SNTG1: variants seen among roughly 807,000 people sequenced by gnomAD.
SNTG1 encodes the protein syntrophin gamma 1, also known as gamma-1-syntrophin.
SNTG1 carries 39 observed loss-of-function variants against 74.7 expected under a neutral mutation model. That is an observed-to-expected ratio of 0.52 (90% CI 0.40 to 0.68). The LOEUF is 0.68. SNTG1 is among the 30% of genes least tolerant of loss of function. The pLI, the probability that SNTG1 is intolerant of heterozygous loss-of-function variation, is 0.00. For synonymous variants in SNTG1, 254 were observed against 217.1 expected, an observed-to-expected ratio of 1.17 and a Z score of -1.49; for missense variants, 685 against 609.5, an observed-to-expected ratio of 1.12 and a Z score of -1.30.
Position 50,675,479 on chromosome 8 carries a change from C to A in SNTG1, c.1038+16816C>A, listed in dbSNP as rs186615661. Among the ~76,000 whole-genome samples the A allele has an allele frequency of 8.6e-5, 13 of 151,970 alleles. 1 individual carries two copies. The East Asian group carries it at 2.5e-3, about 29-fold the overall frequency. On this transcript the variant is annotated intron_variant, in intron 15 of 18. Coordinates refer to ENST00000642720, the MANE Select transcript of SNTG1 (RefSeq NM_018967.5). ...TCTGTTTTTTCAGAGACTAGGATTGCAACCCCTACTTTTTTTTTTCCATCT... is the reference window on the plus strand; with the variant it reads ...TCTGTTTTTTCAGAGACTAGGATTGAAACCCCTACTTTTTTTTTTCCATCT...
At position 50,536,612 on chromosome 8, in the gene SNTG1, G is replaced by T. The variant is rs1031998630; in HGVS notation, c.550-66G>T. On this transcript the variant is annotated intron_variant, in intron 10 of 18. Coordinates refer to ENST00000642720, the MANE Select transcript of SNTG1 (RefSeq NM_018967.5). ...AAATAATATCCCCCAGATAAAAGGG[G>T]TTTGAGATACAGAAACTCAAAGCAC... 24 of 1,562,512 alleles carry T rather than the reference G, an allele frequency of 1.5e-5. No homozygotes were observed. In the African/African-American group the frequency reaches 2.7e-4, roughly 18 times the overall value.
intron 1 of SNTG1, among the ~76,000 whole-genome samples, chr8:50,090,958 A>G (rs1156798906): frequency 6.6e-6 from 1 of 152,170 alleles, no homozygotes; most frequent in East Asian, 1.9e-4. Context: ...GGACTAGTTT[A>G]CTACTTTTAA....
intron 1 of SNTG1, among the ~76,000 whole-genome samples, chr8:49,963,488 C>A (rs1379806501): frequency 2.0e-5 from 3 of 152,044 alleles, no homozygotes; most frequent in African/African-American, 7.2e-5. Flanking sequence ...ATTACTATTC[C>A]AATGCAATAG....
intron 1 of SNTG1, among the ~76,000 whole-genome samples, chr8:50,025,806 T>A (rs60321625): frequency 6.6e-6 from 1 of 152,188 alleles, no homozygotes; most frequent in Non-Finnish European, 1.5e-5. Flanking sequence ...AATTGATACA[T>A]TGTAACTCTT....
rs1211368899 is a variant in SNTG1 at position 50,590,745 on chromosome 8, T to A, written c.811-134T>A. 1.1e-5 allele frequency: 6 copies of A among 525,180 alleles called. No individual in the cohort carries two copies. In the African/African-American group the frequency reaches 1.2e-4, roughly 11 times the overall value. The allele number at this position is 525,180 out of a possible 1,614,324, so 32.5% of individuals were successfully genotyped here. A position where few individuals can be genotyped will look rare whatever the true frequency, so the allele number is the denominator to read the frequency against. On this transcript the variant is annotated intron_variant, in intron 12 of 18. Transcript: ENST00000642720. Reference sequence around the variant, plus strand: ...ATCTGTTTATATATGTTGTTTTATATGTGATGATTTCAGCATATCAAAATA... The same window carrying A: ...ATCTGTTTATATATGTTGTTTTATAAGTGATGATTTCAGCATATCAAAATA...
At chr8:50,246,529 G>C (rs1465236452) in intron 2 of SNTG1, among the ~76,000 whole-genome samples, 2 of 147,130 alleles carry the variant, frequency 1.4e-5, no homozygotes, top group African/African-American at 5.0e-5. Flanking sequence ...TGCTTAATTA[G>C]AAAAGAAAGA....
intron 1 of SNTG1, among the ~76,000 whole-genome samples, chr8:50,100,211 A>G (rs10107442): frequency 0.022 from 3,314 of 152,180 alleles, 128 homozygotes; most frequent in African/African-American, 0.074. Flanking sequence ...AGCTAAAAAA[A>G]GTTGATTTCA....
chr8:50,245,668 G>A (rs2086366445), intron 2 of SNTG1, among the ~76,000 whole-genome samples: 1 of 152,096 alleles, frequency 6.6e-6, no homozygotes, highest in Non-Finnish European at 1.5e-5. Context: ...AAGTGGCAGA[G>A]TAAGAGTCCA....
chr8:50,039,036 C>G (rs973321592), intron 1 of SNTG1, among the ~76,000 whole-genome samples: 1 of 152,172 alleles, frequency 6.6e-6, no homozygotes, highest in African/African-American at 2.4e-5. Context: ...CATAGCTTCC[C>G]ATTATCCCTG....
At chr8:50,255,973 A>T (rs545797130) in intron 2 of SNTG1, among the ~76,000 whole-genome samples, 36 of 152,176 alleles carry the variant, frequency 2.4e-4, no homozygotes, top group Non-Finnish European at 4.7e-4. Context: ...AGGTGTCTGT[A>T]AACAGTGTTA....
At chr8:50,519,833 G>T (rs183965181) in intron 9 of SNTG1, among the ~76,000 whole-genome samples, 5 of 152,214 alleles carry the variant, frequency 3.3e-5, no homozygotes, top group African/African-American at 1.2e-4. Flanking sequence ...AACATTCCAT[G>T]TTCATAGACA....
At chr8:50,478,436 T>C (rs1197302376) in intron 8 of SNTG1, among the ~76,000 whole-genome samples, 1 of 152,190 alleles carries the variant, frequency 6.6e-6, no homozygotes, top group Non-Finnish European at 1.5e-5. Flanking sequence ...TTTGATAAGC[T>C]AAAAGTTCCT....
At position 50,412,892 on chromosome 8, in the gene SNTG1, T is replaced by C. The variant is rs561263226; in HGVS notation, c.162+10548T>C. On this transcript the variant is annotated intron_variant, in intron 4 of 18. Coordinates refer to ENST00000642720, the MANE Select transcript of SNTG1 (RefSeq NM_018967.5). The stretch of plus-strand genomic sequence containing the variant: ...GGGTGCAAAGTGTATTGGTGGGTTG[T>C]GGTGCCATCAATAAAGGGAGCAATT... Among the ~76,000 whole-genome samples the C allele has an allele frequency of 2.5e-3, 386 of 152,284 alleles. 2 individuals carry two copies. Among genetic ancestry groups the C allele is most frequent in the African/African-American group, 8.9e-3 (369 of 41,542 alleles).
intron 3 of SNTG1, among the ~76,000 whole-genome samples, chr8:50,399,306 C>T (rs1035697914): frequency 6.6e-6 from 1 of 152,102 alleles, no homozygotes; most frequent in Non-Finnish European, 1.5e-5. Context: ...AACCCAAAAG[C>T]GAGCTCAAAG....
rs145492411 is a variant in SNTG1, at chr8:50,565,452, C to T, written c.810+12273C>T. Among the ~76,000 whole-genome samples the T allele has an allele frequency of 5.4e-3, 818 of 152,042 alleles. 7 individuals carry two copies. Among genetic ancestry groups the T allele is most frequent in the African/African-American group, 0.018 (759 of 41,514 alleles). On this transcript the variant is annotated intron_variant, in intron 12 of 18. Transcript: ENST00000642720. Reference sequence around the variant, plus strand: ...GGTATATGGCAACTCTGTTCTATAACTGTATGTTTTTTGTAAATCCAAAAC... The same window carrying T: ...GGTATATGGCAACTCTGTTCTATAATTGTATGTTTTTTGTAAATCCAAAAC...
chr8:49,989,428 G>A (rs180952832), intron 1 of SNTG1, among the ~76,000 whole-genome samples: 26 of 151,960 alleles, frequency 1.7e-4, no homozygotes, highest in Non-Finnish European at 1.5e-5. Flanking sequence ...AGATATATAA[G>A]CAGTTAACAG....
chr8:50,078,595 G>A (rs1219308710), intron 1 of SNTG1, among the ~76,000 whole-genome samples: 5 of 152,024 alleles, frequency 3.3e-5, no homozygotes, highest in Non-Finnish European at 7.4e-5. Context: ...TGCTGAGCAT[G>A]CAGGTTTATT....
intron 18 of SNTG1, among the ~76,000 whole-genome samples, chr8:50,780,941 C>T (rs1187864919): frequency 6.6e-6 from 1 of 152,150 alleles, no homozygotes; most frequent in Non-Finnish European, 1.5e-5. Context: ...ATCTTTATTT[C>T]TGCCTTTATT....
chr8:50,687,318 T>A (rs990542858), intron 15 of SNTG1, among the ~76,000 whole-genome samples: 1 of 152,042 alleles, frequency 6.6e-6, no homozygotes, highest in Non-Finnish European at 1.5e-5. Context: ...TCAATACTAA[T>A]CTTGAGTAGA....
Sources: allele counts gnomAD v4.1 joint callset (sites outside exome capture counted in the v4.1 genomes callset), GRCh38; gene constraint gnomAD v4.1.1; transcripts MANE v1.5; gene names NCBI Gene and HGNC (gene_info 2026-07-23, HGNC 2026-07-21).